Variants in LRRC7 observed in about 807,000 individuals in gnomAD.
LRRC7 encodes leucine rich repeat containing 7, also known as leucine-rich repeat-containing protein 7.
In LRRC7, 23 loss-of-function variants were observed where a neutral mutation model predicts 175.7. The observed-to-expected ratio is 0.13, with a 90% CI of 0.09 to 0.19. The LOEUF (loss-of-function observed/expected upper bound fraction) is 0.19. Ranked by LOEUF, LRRC7 falls within the 10% of genes least tolerant of loss-of-function variation. The pLI is 1.00. For synonymous variants in LRRC7, 685 were observed against 680.9 expected (o/e 1.01, Z -0.09); for missense variants, 1,354 against 1,904.7 (o/e 0.71, Z 5.38).
chr1:69,854,439 G>T (rs1683352396), intron 7 of LRRC7, among the ~76,000 whole-genome samples: 1 of 152,134 alleles, frequency 6.6e-6, no homozygotes, highest in Non-Finnish European at 1.5e-5. Flanking sequence ...GGAGATGAAG[G>T]CTGCAATAAG....
intron 26 of LRRC7, among the ~76,000 whole-genome samples, chr1:70,113,551 C>T (rs1358251131): frequency 6.6e-6 from 1 of 151,942 alleles, no homozygotes; most frequent in Non-Finnish European, 1.5e-5. Flanking sequence ...CTTTTAAAAG[C>T]GAGAAACAGA....
At chr1:69,829,163 A>G (rs1680261982) in intron 5 of LRRC7, among the ~76,000 whole-genome samples, 1 of 151,976 alleles carries the variant, frequency 6.6e-6, no homozygotes, top group Non-Finnish European at 1.5e-5. Context: ...AGATATTAGT[A>G]TTATCATCTT....
rs1214213955 is a variant in LRRC7 at position 70,126,366 on chromosome 1, G to A, written c.*4479G>A. Among the ~76,000 whole-genome samples the A allele has an allele frequency of 6.6e-6, 1 of 151,894 alleles. No homozygotes were observed. The highest frequency in any genetic ancestry group is 1.5e-5 in the Non-Finnish European group (1 of 68,004). On this transcript the variant is annotated 3_prime_UTR_variant, in exon 27 of 27. Coordinates refer to ENST00000651989, the MANE Select transcript of LRRC7 (RefSeq NM_001370785.2). ...CCTTTATCTAGTATAAAGAAAAGCG[G>A]GGTTGAAGTTCCACTGTAGTTCCTT...
intron 24 of LRRC7, among the ~76,000 whole-genome samples, chr1:70,088,354 C>T (rs1016664498): frequency 1.5e-4 from 23 of 151,838 alleles, no homozygotes; most frequent in African/African-American, 5.3e-4. Flanking sequence ...GACAGGAGTT[C>T]GAGACTAGCC....
intron 8 of LRRC7, among the ~76,000 whole-genome samples, chr1:69,941,299 C>T (rs1388248367): frequency 2.6e-5 from 4 of 152,042 alleles, no homozygotes; most frequent in African/African-American, 7.2e-5. Flanking sequence ...GCAAGTAGAA[C>T]CTCGATCTAA....
At chr1:69,625,652 A>G (rs148819557) in intron 1 of LRRC7, among the ~76,000 whole-genome samples, 11 of 152,168 alleles carry the variant, frequency 7.2e-5, no homozygotes, top group African/African-American at 2.4e-4. Flanking sequence ...GATTTTAGCT[A>G]TAAACAAATA....
chr1:69,704,920 A>G (rs1663836717), intron 2 of LRRC7, among the ~76,000 whole-genome samples: 1 of 152,122 alleles, frequency 6.6e-6, no homozygotes, highest in African/African-American at 2.4e-5. Context: ...AAAATTCAAT[A>G]ATTTATTTCT....
intron 1 of LRRC7, among the ~76,000 whole-genome samples, chr1:69,596,568 T>C (rs1029518265): frequency 6.6e-6 from 1 of 152,190 alleles, no homozygotes; most frequent in Non-Finnish European, 1.5e-5. Context: ...TATAACTAAA[T>C]TGTGGTTATA....
chr1:69,743,169 A>G (rs1366465411), intron 2 of LRRC7, among the ~76,000 whole-genome samples: 1 of 152,044 alleles, frequency 6.6e-6, no homozygotes, highest in African/African-American at 2.4e-5. Context: ...AAAGAATTCT[A>G]GAATTGTCTG....
chr1:69,865,469 C>CTTTTTTTTTTTTT lies in LRRC7; in HGVS notation c.647+27199_647+27211dup, dbSNP rs532063540. On this transcript the variant is annotated intron_variant, in intron 7 of 26. Transcript: ENST00000651989. ...ATAAGCAAGCTGCTGAAGACAGTTC[C>CTTTTTTTTTTTTT]TTTTTTTTTTTTTTTTTTTTTTTTT... Among the ~76,000 whole-genome samples, 22 of 51,262 alleles carry CTTTTTTTTTTTTT rather than the reference C, an allele frequency of 4.3e-4. 4 individuals carry two copies. Among genetic ancestry groups the CTTTTTTTTTTTTT allele is most frequent in the African/African-American group, 7.3e-4 (9 of 12,318 alleles). The allele number at this position is 51,262 out of a possible 152,430, so 33.6% of individuals were successfully genotyped here. A position where few individuals can be genotyped will look rare whatever the true frequency, so the allele number is the denominator to read the frequency against.
intron 7 of LRRC7, among the ~76,000 whole-genome samples, chr1:69,929,935 G>C (rs1046932497): frequency 6.6e-6 from 1 of 152,012 alleles, no homozygotes; most frequent in African/African-American, 2.4e-5. Flanking sequence ...ATGTCTTCAA[G>C]CAAGTAAAAT....
chr1:70,003,782 G>A (rs940761749), intron 11 of LRRC7, among the ~76,000 whole-genome samples: 1 of 151,792 alleles, frequency 6.6e-6, no homozygotes, highest in Non-Finnish European at 1.5e-5. Flanking sequence ...TGCATGAAAT[G>A]TTTCCATATT....
intron 6 of LRRC7, among the ~76,000 whole-genome samples, chr1:69,837,534 T>A (rs1681256433): frequency 6.6e-6 from 1 of 151,900 alleles, no homozygotes; most frequent in Non-Finnish European, 1.5e-5. Flanking sequence ...CATCCAGGTT[T>A]GTCTTCCTAC....
intron 2 of LRRC7, among the ~76,000 whole-genome samples, chr1:69,759,737 T>C (rs1454232049): frequency 6.6e-6 from 1 of 151,992 alleles, no homozygotes; most frequent in African/African-American, 2.4e-5. Flanking sequence ...CATCATAAAC[T>C]TTGGGATTGA....
At chr1:69,970,116 G>A (rs1373416724) in intron 8 of LRRC7, among the ~76,000 whole-genome samples, 1 of 151,976 alleles carries the variant, frequency 6.6e-6, no homozygotes, top group Non-Finnish European at 1.5e-5. Context: ...AAAACCTCTG[G>A]CATACAGCAA....
intron 2 of LRRC7, among the ~76,000 whole-genome samples, chr1:69,693,068 C>T (rs1662094151): frequency 6.6e-6 from 1 of 152,196 alleles, no homozygotes; most frequent in Non-Finnish European, 1.5e-5. Flanking sequence ...GGTTCCGTGT[C>T]TCGCATGCCT....
chr1:69,732,376 A>G (rs1213594414), intron 2 of LRRC7, among the ~76,000 whole-genome samples: 1 of 152,090 alleles, frequency 6.6e-6, no homozygotes, highest in African/African-American at 2.4e-5. Context: ...GGAAAGATGA[A>G]CACTGTTATG....
intron 1 of LRRC7, among the ~76,000 whole-genome samples, chr1:69,589,609 A>G (rs1334097045): frequency 6.6e-6 from 1 of 152,056 alleles, no homozygotes; most frequent in Non-Finnish European, 1.5e-5. Context: ...AGAAGCACAA[A>G]CTTGAATAAG....
intron 2 of LRRC7, among the ~76,000 whole-genome samples, chr1:69,753,079 C>CA (rs1670015681): frequency 6.6e-6 from 1 of 152,032 alleles, no homozygotes; most frequent in Non-Finnish European, 1.5e-5. Context: ...TGGATATGTA[C>CA]TTCCATATAT....
Sources: allele counts gnomAD v4.1 joint callset (sites outside exome capture counted in the v4.1 genomes callset), GRCh38; gene constraint gnomAD v4.1.1; transcripts MANE v1.5; gene names NCBI Gene and HGNC (gene_info 2026-07-23, HGNC 2026-07-21).